Variants in PTPN11 observed in about 807,000 individuals in gnomAD.
The protein encoded by PTPN11 is protein tyrosine phosphatase non-receptor type 11, also known as tyrosine-protein phosphatase non-receptor type 11.
PTPN11 carries 6 observed loss-of-function variants against 78.8 expected under a neutral mutation model. The ratio of observed to expected loss-of-function variants is 0.08; its 90% CI spans 0.04 to 0.15. The LOEUF is 0.15. Among genes scored for constraint, PTPN11 ranks in the 10% least tolerant of loss-of-function variants. The pLI, the probability that PTPN11 is intolerant of heterozygous loss-of-function variation, is 1.00. For missense variants in PTPN11, 386 were observed against 744.8 expected (o/e 0.52, Z 5.61); for synonymous variants, 221 against 263.5 (o/e 0.84, Z 1.56).
At chr12:112,464,506 A>G (rs2038296822) in intron 6 of PTPN11, among the ~76,000 whole-genome samples, 1 of 151,080 alleles carries the variant, frequency 6.6e-6, no homozygotes, top group African/African-American at 2.4e-5. Context: ...GTGATAGCTC[A>G]CTGCAACCTC....
intron 10 of PTPN11, among the ~76,000 whole-genome samples, chr12:112,485,839 G>A (rs557615895): frequency 6.6e-5 from 10 of 152,220 alleles, no homozygotes; most frequent in African/African-American, 2.4e-4. Context: ...AAATTAGCCA[G>A]GCATGGTGAT....
intron 9 of PTPN11, among the ~76,000 whole-genome samples, chr12:112,479,970 C>T (rs1180280551): frequency 6.6e-6 from 1 of 152,146 alleles, no homozygotes; most frequent in Non-Finnish European, 1.5e-5. Flanking sequence ...TTTCAGTATC[C>T]CCCCAGTGCA....
intron 1 of PTPN11, among the ~76,000 whole-genome samples, chr12:112,445,186 C>G (rs984631290): frequency 1.3e-5 from 2 of 152,006 alleles, no homozygotes; most frequent in Non-Finnish European, 2.9e-5. Flanking sequence ...GGCTGGAGTA[C>G]AGTGGCACGA....
At chr12:112,495,527 T>C (rs1462093755) in intron 13 of PTPN11, among the ~76,000 whole-genome samples, 2 of 152,202 alleles carry the variant, frequency 1.3e-5, no homozygotes, top group African/African-American at 4.8e-5. Context: ...GTAAATGTTA[T>C]CAACATGGCC....
rs1487697996 is a variant in PTPN11 at position 112,509,726 on chromosome 12, A to T, written c.*3934A>T. 2.6e-5 allele frequency: 4 copies of T among 152,586 alleles called. No individual in the cohort carries two copies. The highest frequency in any genetic ancestry group is 5.9e-5 in the Non-Finnish European group (4 of 68,034). The allele number at this position is 152,586 out of a possible 1,614,324, so 9.5% of individuals were successfully genotyped here. On this transcript the variant is annotated 3_prime_UTR_variant, in exon 16 of 16. Coordinates refer to ENST00000351677, the MANE Select transcript of PTPN11 (RefSeq NM_002834.5). ...ATGTAGTCTATTTGCAACTGTTCTT[A>T]AAAAAATGACATTAAAAGAATAGTT...
chr12:112,464,834 T>C (rs2038301964), intron 6 of PTPN11, among the ~76,000 whole-genome samples: 1 of 152,168 alleles, frequency 6.6e-6, no homozygotes. Context: ...ACTCCTGGGC[T>C]CAAGTGATCC....
chr12:112,433,033 A>G (rs1194808079), intron 1 of PTPN11, among the ~76,000 whole-genome samples: 1 of 151,644 alleles, frequency 6.6e-6, no homozygotes, highest in African/African-American at 2.4e-5. Context: ...GCTAATTTTT[A>G]TATATTTAGT....
At position 112,506,922 on chromosome 12, in the gene PTPN11, C is replaced by T. The variant is rs2038941936; in HGVS notation, c.*1130C>T. 9.3e-6 allele frequency: 2 copies of T among 214,550 alleles called. No homozygotes were observed. Among genetic ancestry groups the T allele is most frequent in the African/African-American group, 2.3e-5 (1 of 43,042 alleles). 13.3% of individuals were successfully genotyped at this position (214,550 alleles called of 1,614,324 possible). A position where few individuals can be genotyped will look rare whatever the true frequency, so the allele number is the denominator to read the frequency against. On this transcript the variant is annotated 3_prime_UTR_variant, in exon 16 of 16. Coordinates refer to ENST00000351677, the MANE Select transcript of PTPN11 (RefSeq NM_002834.5). The stretch of plus-strand genomic sequence containing the variant: ...TGAAAACTTAAGTCCAGAATTGTCA[C>T]AGTGTCCCTTCTACTTCCCTCTATT...
chr12:112,471,774 A>G (rs542495699), intron 6 of PTPN11, among the ~76,000 whole-genome samples: 1 of 148,504 alleles, frequency 6.7e-6, no homozygotes, highest in East Asian at 2.0e-4. Flanking sequence ...TTTTTTCGAG[A>G]TGGAGTCTCC....
intron 1 of PTPN11, among the ~76,000 whole-genome samples, chr12:112,445,842 G>A: frequency 6.6e-6 from 1 of 151,710 alleles, no homozygotes. Context: ...GTTTCTCCAT[G>A]TTGGTCAGGC....
chr12:112,455,096 A>G (rs1391818746), intron 5 of PTPN11, among the ~76,000 whole-genome samples: 3 of 152,002 alleles, frequency 2.0e-5, no homozygotes, highest in Non-Finnish European at 4.4e-5. Context: ...TTGGGATTAC[A>G]GGCGTGAGCT....
chr12:112,489,576 G>A (rs1592855097), intron 13 of PTPN11, among the ~76,000 whole-genome samples: 1 of 152,244 alleles, frequency 6.6e-6, no homozygotes, highest in African/African-American at 2.4e-5. Context: ...ATAGCGCACG[G>A]CAGTTTGAAC....
chr12:112,423,740 CTTT>C (rs1238357055), intron 1 of PTPN11, among the ~76,000 whole-genome samples: 13 of 110,674 alleles, frequency 1.2e-4, no homozygotes, highest in Admixed American at 2.8e-4. Context: ...CATACAATGT[CTTT>C]TTTTTTTTTT....
At chr12:112,456,671 G>T (rs534323059) in intron 6 of PTPN11, among the ~76,000 whole-genome samples, 1 of 152,080 alleles carries the variant, frequency 6.6e-6, no homozygotes, top group Non-Finnish European at 1.5e-5. Flanking sequence ...TGTTGCCCAG[G>T]CTGGTCTTGA....
intron 2 of PTPN11, among the ~76,000 whole-genome samples, chr12:112,448,461 C>A (rs2038027615): frequency 6.6e-6 from 1 of 151,612 alleles, no homozygotes; most frequent in African/African-American, 2.4e-5. Context: ...AAGGGATCTG[C>A]CTGTCTCAGC....
chr12:112,429,478 C>T (rs1448065556), intron 1 of PTPN11, among the ~76,000 whole-genome samples: 1 of 142,386 alleles, frequency 7.0e-6, no homozygotes, highest in Admixed American at 7.0e-5. Context: ...GCAGTTGAAA[C>T]TACTTTTTTT....
chr12:112,425,986 C>T (rs1008453732), intron 1 of PTPN11, among the ~76,000 whole-genome samples: 1 of 152,180 alleles, frequency 6.6e-6, no homozygotes, highest in Non-Finnish European at 1.5e-5. Context: ...GGCCACTGCC[C>T]CCAGCCTAAA....
intron 1 of PTPN11, among the ~76,000 whole-genome samples, chr12:112,432,627 C>G (rs961204571): frequency 6.7e-6 from 1 of 149,812 alleles, no homozygotes; most frequent in African/African-American, 2.5e-5. Context: ...TGAGATTGGG[C>G]CACTGCACTC....
At chr12:112,419,304 C>T (rs554532928) in intron 1 of PTPN11, among the ~76,000 whole-genome samples, 179 bp downstream of exon 1, 9 of 152,196 alleles carry the variant, frequency 5.9e-5, no homozygotes, top group African/African-American at 1.9e-4. Flanking sequence ...CCCCACCGCG[C>T]CCCCACCCCT....
Sources: gnomAD v4.1 joint callset for allele counts (sites outside exome capture counted in the v4.1 genomes callset) on GRCh38, gnomAD v4.1.1 for gene constraint, MANE v1.5 for transcripts, NCBI Gene and HGNC (gene_info 2026-07-23, HGNC 2026-07-21) for gene names.